Variants in LDB2 observed in about 807,000 individuals in gnomAD.
The protein encoded by LDB2 is LIM domain-binding protein 2.
A neutral mutation model predicts 44.3 loss-of-function variants in LDB2; 12 were observed. The observed-to-expected ratio is 0.27, with a 90% CI of 0.17 to 0.44. The LOEUF (loss-of-function observed/expected upper bound fraction) is 0.44. Ranked by LOEUF, LDB2 falls within the 20% of genes least tolerant of loss-of-function variation. LDB2 has a pLI of 1.00. For missense variants in LDB2, 344 were observed against 473.5 expected, an observed-to-expected ratio of 0.73 and a Z score of 2.54; for synonymous variants, 164 against 174.8, an observed-to-expected ratio of 0.94 and a Z score of 0.49.
At chr4:16,811,088 A>T (rs566894513) in intron 1 of LDB2, among the ~76,000 whole-genome samples, 5 of 152,304 alleles carry the variant, frequency 3.3e-5, no homozygotes, top group Admixed American at 2.0e-4. Flanking sequence ...CTCCTTTGAC[A>T]ATCTAACGCC....
intron 2 of LDB2, among the ~76,000 whole-genome samples, chr4:16,623,765 T>TAAA (rs778949376): frequency 6.8e-6 from 1 of 146,806 alleles, no homozygotes; most frequent in Non-Finnish European, 1.5e-5. Context: ...GAAATATACA[T>TAAA]ACACACACAC....
At chr4:16,506,688 G>A (rs1719596167) in intron 7 of LDB2, 1 of 152,200 alleles carries the variant, frequency 6.6e-6, no homozygotes, top group Admixed American at 6.5e-5. Context: ...GCTGGCAGGA[G>A]AGAGAAAATG....
rs1376881954 is a variant in LDB2, at chr4:16,739,743, C to CAT, written c.235+19413_235+19414dup. Among the ~76,000 whole-genome samples the CAT allele has an allele frequency of 1.0e-4, 10 of 96,274 alleles. 1 individual carries two copies. Among genetic ancestry groups the CAT allele is most frequent in the African/African-American group, 5.3e-4 (10 of 19,014 alleles). The allele number at this position is 96,274 out of a possible 152,430, so 63.2% of individuals were successfully genotyped here. A position where few individuals can be genotyped will look rare whatever the true frequency, so the allele number is the denominator to read the frequency against. On this transcript the variant is annotated intron_variant, in intron 2 of 7. Coordinates refer to ENST00000304523, the MANE Select transcript of LDB2 (RefSeq NM_001290.5). ...ATATACATATATGTGTATATACATA[C>CAT]ATATACATATATATATAACTATTCT...
intron 2 of LDB2, among the ~76,000 whole-genome samples, chr4:16,745,058 C>T (rs1327091556): frequency 1.3e-5 from 2 of 152,114 alleles, no homozygotes; most frequent in Non-Finnish European, 2.9e-5. Flanking sequence ...GTGTAACATC[C>T]GAGGTCATAT....
At chr4:16,893,051 A>G in intron 1 of LDB2, 8 of 947,212 alleles carry the variant, frequency 8.4e-6, no homozygotes, top group Non-Finnish European at 1.0e-5. Context: ...AAGAAAATAA[A>G]ATCAGTATAA....
intron 7 of LDB2, among the ~76,000 whole-genome samples, chr4:16,503,618 T>C (rs1338074659): frequency 6.6e-6 from 1 of 152,218 alleles, no homozygotes; most frequent in African/African-American, 2.4e-5. Flanking sequence ...TCATGGTGCC[T>C]GTCACCTATC....
chr4:16,721,297 T>C (rs1384751689), intron 2 of LDB2, among the ~76,000 whole-genome samples: 1 of 152,112 alleles, frequency 6.6e-6, no homozygotes, highest in Non-Finnish European at 1.5e-5. Flanking sequence ...TCCACATTGA[T>C]AACTGAAGCA....
At chr4:16,725,684 A>T (rs573291217) in intron 2 of LDB2, among the ~76,000 whole-genome samples, 1 of 152,012 alleles carries the variant, frequency 6.6e-6, no homozygotes, top group Admixed American at 6.6e-5. Context: ...TCCCCAGATC[A>T]AAGACCTCTC....
intron 1 of LDB2, among the ~76,000 whole-genome samples, chr4:16,814,995 TG>T (rs1780649121): frequency 6.6e-6 from 1 of 152,240 alleles, no homozygotes; most frequent in African/African-American, 2.4e-5. Context: ...GAAGAGCATT[TG>T]GGGAAACACA....
At chr4:16,618,717 A>C (rs1728055556) in intron 2 of LDB2, among the ~76,000 whole-genome samples, 1 of 151,912 alleles carries the variant, frequency 6.6e-6, no homozygotes, top group Admixed American at 6.6e-5. Flanking sequence ...GCCATCACAG[A>C]TTTTCTCTGT....
At chr4:16,869,022 T>C (rs4698516) in intron 1 of LDB2, among the ~76,000 whole-genome samples, 40,482 of 151,940 alleles carry the variant, frequency 0.27, 6,126 homozygotes, top group East Asian at 0.68. Flanking sequence ...GTAGATGATG[T>C]TGATGATGAT....
chr4:16,751,078 A>G (rs16893920), intron 2 of LDB2, among the ~76,000 whole-genome samples: 2,182 of 152,290 alleles, frequency 0.014, 53 homozygotes, highest in African/African-American at 0.049. Context: ...ACATAGTCAC[A>G]CAGAGTCAGG....
At chr4:16,652,340 A>C (rs1286648582) in intron 2 of LDB2, among the ~76,000 whole-genome samples, 1 of 152,252 alleles carries the variant, frequency 6.6e-6, no homozygotes, top group Non-Finnish European at 1.5e-5. Flanking sequence ...TTGATGAAAC[A>C]AAATACAATC....
At chr4:16,817,204 G>T (rs1019556610) in intron 1 of LDB2, among the ~76,000 whole-genome samples, 4 of 152,120 alleles carry the variant, frequency 2.6e-5, no homozygotes, top group African/African-American at 9.7e-5. Context: ...TCTAAATCTT[G>T]AACTTTACGA....
chr4:16,709,874 G>C (rs955073502), intron 2 of LDB2, among the ~76,000 whole-genome samples: 2 of 152,114 alleles, frequency 1.3e-5, no homozygotes, highest in African/African-American at 4.8e-5. Context: ...CAGTTCACCA[G>C]GTTCTCTACC....
At chr4:16,707,245 T>G (rs186415122) in intron 2 of LDB2, among the ~76,000 whole-genome samples, 2 of 152,284 alleles carry the variant, frequency 1.3e-5, no homozygotes, top group Admixed American at 6.5e-5. Flanking sequence ...ACCTGAACAC[T>G]TGTGACAAAT....
At chr4:16,897,013 A>AGCATTTATAGCGTC in intron 1 of LDB2, among the ~76,000 whole-genome samples, 1 of 152,368 alleles carries the variant, frequency 6.6e-6, no homozygotes, top group South Asian at 2.1e-4. Context: ...GTGTATTAAC[A>AGCATTTATAGCGTC]TATAAAGAAA....
Position 16,561,561 on chromosome 4 carries a change from A to G in LDB2, c.615+24361T>C, listed in dbSNP as rs548520830. Among the ~76,000 whole-genome samples, 95 of 152,332 alleles carry G rather than the reference A, an allele frequency of 6.2e-4. 2 individuals are homozygous for G. In the South Asian group the frequency reaches 0.011, roughly 17 times the overall value. On this transcript the variant is annotated intron_variant, in intron 5 of 7. Transcript: ENST00000304523. ...GAACTACAAACCACTGCTCAAGGCA[A>G]TAAAAGAGGATACAAACAAATGGAA...
At chr4:16,597,858 A>T (rs1197093489) in intron 2 of LDB2, among the ~76,000 whole-genome samples, 1 of 152,222 alleles carries the variant, frequency 6.6e-6, no homozygotes, top group Non-Finnish European at 1.5e-5. Flanking sequence ...GTTTTAAATT[A>T]CTTCCCCAAA....
Sources: gnomAD v4.1 joint callset for allele counts (sites outside exome capture counted in the v4.1 genomes callset) on GRCh38, gnomAD v4.1.1 for gene constraint, MANE v1.5 for transcripts, NCBI Gene and HGNC (gene_info 2026-07-23, HGNC 2026-07-21) for gene names.